THSD7A: variants seen among roughly 807,000 people sequenced by gnomAD.
THSD7A encodes the protein thrombospondin type 1 domain containing 7A.
In THSD7A, 96 loss-of-function variants were observed where a neutral mutation model predicts 231.3. The observed-to-expected ratio is 0.41, with a 90% CI of 0.35 to 0.49. The LOEUF is 0.49. Ranked by LOEUF, THSD7A falls within the 20% of genes least tolerant of loss-of-function variation. The probability of loss-of-function intolerance (pLI) is 0.05; values close to 1 mark genes in which losing one functional copy is unlikely to be tolerated. For synonymous variants in THSD7A, 940 were observed against 743.3 expected, an observed-to-expected ratio of 1.26 and a Z score of -4.30; for missense variants, 2,290 against 2,070.2, an observed-to-expected ratio of 1.11 and a Z score of -2.06.
At chr7:11,627,294 T>G (rs962763410) in intron 2 of THSD7A, among the ~76,000 whole-genome samples, 1 of 152,036 alleles carries the variant, frequency 6.6e-6, no homozygotes, top group Non-Finnish European at 1.5e-5. Context: ...AAAGAAAGTT[T>G]GTCTAGTCAT....
intron 4 of THSD7A, among the ~76,000 whole-genome samples, chr7:11,587,483 T>A (rs1779957526): frequency 6.6e-6 from 1 of 152,114 alleles, no homozygotes; most frequent in Non-Finnish European, 1.5e-5. Context: ...ATATAGACAC[T>A]CTCCAATATT....
In THSD7A at chr7:11,649,754, C is replaced by T. The variant is rs183173507; in HGVS notation, c.191-12793G>A. Reference sequence around the variant, plus strand: ...CTGTCACCTATAATAATGTGGAAGTCGAAATTATATCCAATTAACTGGGTG... The same window carrying T: ...CTGTCACCTATAATAATGTGGAAGTTGAAATTATATCCAATTAACTGGGTG... On this transcript the variant is annotated intron_variant, in intron 1 of 27. Coordinates refer to ENST00000423059, the MANE Select transcript of THSD7A (RefSeq NM_015204.3). Among the ~76,000 whole-genome samples the T allele has an allele frequency of 1.6e-3, 249 of 152,092 alleles. 1 individual carries two copies. Among genetic ancestry groups the T allele is most frequent in the African/African-American group, 5.7e-3 (235 of 41,522 alleles).
chr7:11,748,494 G>A (rs1782387870), intron 1 of THSD7A, among the ~76,000 whole-genome samples: 1 of 151,856 alleles, frequency 6.6e-6, no homozygotes, highest in Non-Finnish European at 1.5e-5. Context: ...TTAAATAATG[G>A]AATATTTTAA....
intron 3 of THSD7A, among the ~76,000 whole-genome samples, chr7:11,592,328 A>G (rs1780199168): frequency 6.6e-6 from 1 of 152,228 alleles, no homozygotes; most frequent in Non-Finnish European, 1.5e-5. Flanking sequence ...GTTCATAAAG[A>G]TCTAGCTATA....
rs1230837710 is a variant in THSD7A at position 11,469,936 on chromosome 7, C to G, written c.2311G>C (p.Asp771His). 8 of 1,602,352 alleles carry G rather than the reference C, an allele frequency of 5.0e-6. No homozygotes were observed. Among genetic ancestry groups the G allele is most frequent in the East Asian group, 4.5e-5 (2 of 44,522 alleles). The change falls in exon 9 of 28, where the codon GAC (aspartate) becomes CAC (histidine). Residue 771 changes from aspartate to histidine, a missense_variant. Transcript: ENST00000423059. ...VRPCLLPCKKDCIVTPYSDWT... is the reference protein window; with the variant it reads ...VRPCLLPCKKHCIVTPYSDWT... ...TCACTATATGGGGTCACAATACAGTCCTTCTTACAAGGAAGCAGACAAGGC... is the reference window on the plus strand; with the variant it reads ...TCACTATATGGGGTCACAATACAGTGCTTCTTACAAGGAAGCAGACAAGGC...
At chr7:11,743,240 A>G (rs1782170268) in intron 1 of THSD7A, among the ~76,000 whole-genome samples, 1 of 151,898 alleles carries the variant, frequency 6.6e-6, no homozygotes, top group Non-Finnish European at 1.5e-5. Flanking sequence ...AAGGCAGCTC[A>G]ATAATAAATA....
intron 1 of THSD7A, among the ~76,000 whole-genome samples, chr7:11,702,349 T>A (rs1780631387): frequency 6.6e-6 from 1 of 151,102 alleles, no homozygotes; most frequent in African/African-American, 2.4e-5. Flanking sequence ...AGCATCAAGG[T>A]CCTTGTTACA....
At chr7:11,511,422 G>C (rs1787804224) in intron 6 of THSD7A, among the ~76,000 whole-genome samples, 6 of 152,100 alleles carry the variant, frequency 3.9e-5, no homozygotes, top group Admixed American at 3.9e-4. Flanking sequence ...TCACAGAATT[G>C]GGAAAAACTA....
chr7:11,659,968 A>G (rs985484368), intron 1 of THSD7A, among the ~76,000 whole-genome samples: 2 of 151,576 alleles, frequency 1.3e-5, no homozygotes, highest in African/African-American at 4.8e-5. Context: ...AGACCTAATG[A>G]TTAAGAATCT....
chr7:11,610,214 A>T (rs1445132756), intron 2 of THSD7A, among the ~76,000 whole-genome samples: 1 of 152,112 alleles, frequency 6.6e-6, no homozygotes, highest in African/African-American at 2.4e-5. Flanking sequence ...ACGACACTTG[A>T]TTATATACTG....
chr7:11,452,430 C>T (rs1349462219), intron 11 of THSD7A, among the ~76,000 whole-genome samples: 2 of 151,996 alleles, frequency 1.3e-5, no homozygotes, highest in Non-Finnish European at 2.9e-5. Flanking sequence ...TTCCTAACTA[C>T]AATTTGTTGA....
chr7:11,747,101 A>G (rs1332727917), intron 1 of THSD7A, among the ~76,000 whole-genome samples: 1 of 151,958 alleles, frequency 6.6e-6, no homozygotes, highest in Non-Finnish European at 1.5e-5. Flanking sequence ...GGAAATTACT[A>G]GCTTTCATAT....
intron 6 of THSD7A, among the ~76,000 whole-genome samples, chr7:11,512,945 A>ATATATATATATATATATATATATG (rs1388113307): frequency 7.6e-5 from 8 of 105,218 alleles, no homozygotes; most frequent in Non-Finnish European, 1.6e-4. Flanking sequence ...AAACTATGAT[A>ATATATATATATATATATATATATG]TATATATATA....
At chr7:11,650,112 G>A (rs1187180017) in intron 1 of THSD7A, among the ~76,000 whole-genome samples, 4 of 152,102 alleles carry the variant, frequency 2.6e-5, no homozygotes, top group Non-Finnish European at 4.4e-5. Context: ...TGCATATCAA[G>A]TGTCAAAGGC....
chr7:11,790,279 T>C (rs78341772), intron 1 of THSD7A, among the ~76,000 whole-genome samples: 4,952 of 151,932 alleles, frequency 0.033, 152 homozygotes, highest in East Asian at 0.15. Context: ...ATAAAATAAA[T>C]ATATGCTCTA....
intron 7 of THSD7A, among the ~76,000 whole-genome samples, chr7:11,481,086 G>A (rs1786404480): frequency 1.3e-5 from 2 of 152,064 alleles, no homozygotes; most frequent in South Asian, 4.1e-4. Flanking sequence ...ATATTACCCA[G>A]TCACACAGAA....
intron 1 of THSD7A, among the ~76,000 whole-genome samples, chr7:11,681,304 T>C (rs1366359645): frequency 6.6e-6 from 1 of 151,916 alleles, no homozygotes; most frequent in Non-Finnish European, 1.5e-5. Context: ...GGCAATACCA[T>C]TCAGGACATA....
chr7:11,693,599 A>G (rs1203496804), intron 1 of THSD7A, among the ~76,000 whole-genome samples: 1 of 151,486 alleles, frequency 6.6e-6, no homozygotes, highest in Admixed American at 6.6e-5. Flanking sequence ...TTTTGTTACT[A>G]TAATAGAAAA....
intron 2 of THSD7A, among the ~76,000 whole-genome samples, chr7:11,628,007 C>T (rs867238800): frequency 2.6e-5 from 4 of 151,982 alleles, no homozygotes; most frequent in Non-Finnish European, 4.4e-5. Flanking sequence ...CTAAAGATAA[C>T]ATAAAGCCAT....
Sources: allele counts gnomAD v4.1 joint callset (sites outside exome capture counted in the v4.1 genomes callset), GRCh38; gene constraint gnomAD v4.1.1; transcripts MANE v1.5; gene names NCBI Gene and HGNC (gene_info 2026-07-23, HGNC 2026-07-21).